The following RAP1B variants were observed in gnomAD, a reference collection of about 807,000 sequenced individuals.
The protein encoded by RAP1B is RAP1B, member of RAS oncogene family, also known as ras-related protein Rap-1b.
RAP1B carries 1 observed loss-of-function variant against 27.5 expected under a neutral mutation model. That is an observed-to-expected ratio of 0.04 (90% confidence interval 0.01 to 0.17). The LOEUF (loss-of-function observed/expected upper bound fraction) is 0.17, where lower values mean the gene tolerates loss of function less well. Among genes scored for constraint, RAP1B ranks in the 10% least tolerant of loss-of-function variants. The probability of loss-of-function intolerance (pLI) is 1.00; values close to 1 mark genes in which losing one functional copy is unlikely to be tolerated. For synonymous variants in RAP1B, 75 were observed against 73.1 expected, an observed-to-expected ratio of 1.03 and a Z score of -0.13; for missense variants, 84 against 214.8, an observed-to-expected ratio of 0.39 and a Z score of 3.81.
chr12:68,635,587 C>G (rs554510895), intron 1 of RAP1B, among the ~76,000 whole-genome samples: 2 of 152,128 alleles, frequency 1.3e-5, no homozygotes, highest in Non-Finnish European at 2.9e-5. Context: ...TCCCTAATAG[C>G]TGGGATTACA....
intron 5 of RAP1B, among the ~76,000 whole-genome samples, chr12:68,655,415 T>C (rs1365825976): frequency 6.6e-6 from 1 of 152,156 alleles, no homozygotes; most frequent in East Asian, 1.9e-4. Context: ...TTTTATTTTC[T>C]GGACTTCTGA....
At chr12:68,635,518 C>T (rs1339866906) in intron 1 of RAP1B, among the ~76,000 whole-genome samples, 20 of 151,938 alleles carry the variant, frequency 1.3e-4, no homozygotes, top group East Asian at 1.9e-4. Context: ...TGCAGTGGTG[C>T]GATCTCGGCT....
At chr12:68,638,929 G>A (rs1308732929) in intron 1 of RAP1B, among the ~76,000 whole-genome samples, 2 of 152,108 alleles carry the variant, frequency 1.3e-5, no homozygotes, top group Admixed American at 6.5e-5. Context: ...GCAAAGTGCT[G>A]GGATTACAGA....
chr12:68,649,014 T>A, intron 2 of RAP1B: 1 of 466,934 alleles, frequency 2.1e-6, no homozygotes, highest in Non-Finnish European at 3.7e-6. Flanking sequence ...CAATTTGAGC[T>A]AAGCACAGAG....
At chr12:68,615,144 CTATT>C (rs1197088614) in intron 1 of RAP1B, among the ~76,000 whole-genome samples, 4 of 152,270 alleles carry the variant, frequency 2.6e-5, no homozygotes, top group East Asian at 3.9e-4. Context: ...TAACATTGGA[CTATT>C]TATTCCTAAT....
At chr12:68,656,731 T>C (rs1470118252) in intron 6 of RAP1B, 3 of 533,370 alleles carry the variant, frequency 5.6e-6, no homozygotes, top group Non-Finnish European at 9.8e-6. Flanking sequence ...ATATGAAGGA[T>C]GTTATATGAA....
At chr12:68,648,606 A>G in intron 1 of RAP1B, 93 bp from the exon 2 acceptor site, 1 of 1,049,780 alleles carries the variant, frequency 9.5e-7, no homozygotes, top group Non-Finnish European at 1.4e-6. Flanking sequence ...ATCATTTTAA[A>G]TAAATCTATT....
chr12:68,631,984 C>T (rs1872268455), intron 1 of RAP1B, among the ~76,000 whole-genome samples: 1 of 152,022 alleles, frequency 6.6e-6, no homozygotes, highest in Middle Eastern at 3.4e-3. Context: ...AAACCTGGAC[C>T]GTTGGTCACT....
intron 1 of RAP1B, among the ~76,000 whole-genome samples, chr12:68,611,469 G>T (rs1759518974): frequency 6.6e-6 from 1 of 151,738 alleles, no homozygotes; most frequent in Non-Finnish European, 1.5e-5. Context: ...TGTCGCCTGG[G>T]TTCCCTCCGT....
At chr12:68,651,244 G>A (rs1873794227) in intron 3 of RAP1B, among the ~76,000 whole-genome samples, 1 of 152,196 alleles carries the variant, frequency 6.6e-6, no homozygotes, top group Admixed American at 6.5e-5. Context: ...CTAACAGCAT[G>A]TGACAATAAA....
chr12:68,623,790 A>G (rs1192016173), intron 1 of RAP1B, among the ~76,000 whole-genome samples: 1 of 152,248 alleles, frequency 6.6e-6, no homozygotes, highest in East Asian at 1.9e-4. Flanking sequence ...TGGAAGGCCA[A>G]GGTGGGTGGA....
chr12:68,633,159 A>G (rs1872387171), intron 1 of RAP1B, among the ~76,000 whole-genome samples: 1 of 152,174 alleles, frequency 6.6e-6, no homozygotes, highest in African/African-American at 2.4e-5. Flanking sequence ...TCTTACATCT[A>G]AAACCTTAAA....
intron 6 of RAP1B, 55 bp from the exon 7 acceptor site, chr12:68,657,046 A>T: frequency 7.1e-7 from 1 of 1,401,192 alleles, no homozygotes; most frequent in Non-Finnish European, 1.0e-6. Context: ...TACTTTTTTC[A>T]TTGGGGGGGA....
chr12:68,651,718 T>C, intron 3 of RAP1B: 2 of 366,480 alleles, frequency 5.5e-6, no homozygotes, highest in South Asian at 5.9e-5. Flanking sequence ...TTCTCTAGAA[T>C]TAAGTGCTGA....
intron 1 of RAP1B, among the ~76,000 whole-genome samples, chr12:68,625,112 G>A (rs1871658592): frequency 6.6e-6 from 1 of 152,160 alleles, no homozygotes; most frequent in Admixed American, 6.5e-5. Flanking sequence ...GCCATGATAG[G>A]CATTTTTTGG....
rs1200044788 is a variant in RAP1B, at chr12:68,670,430, A to ATAC, written c.*11181_*11182insTAC. The ATAC allele has an allele frequency of 1.3e-5, 2 of 152,226 alleles. No homozygotes were observed. The highest frequency in any genetic ancestry group is 3.8e-4 in the East Asian group (2 of 5,200). The allele number at this position is 152,226 out of a possible 1,614,324, so 9.4% of individuals were successfully genotyped here. A position where few individuals can be genotyped will look rare whatever the true frequency, so the allele number is the denominator to read the frequency against. On this transcript the variant is annotated 3_prime_UTR_variant, in exon 8 of 8. Transcript: ENST00000250559. The stretch of plus-strand genomic sequence containing the variant: ...TCTAAGAGACTAGAAATCTAGAGAT[A>ATAC]GGGTAGACCTTCTTAGCTAATTTTT...
intron 1 of RAP1B, chr12:68,648,203 C>T (rs949093776): frequency 6.5e-6 from 1 of 153,770 alleles, no homozygotes; most frequent in Non-Finnish European, 1.4e-5. Context: ...TTCTTCAGTT[C>T]TGCCTCTGAT....
chr12:68,629,781 A>G (rs749423853), intron 1 of RAP1B, among the ~76,000 whole-genome samples: 1 of 152,218 alleles, frequency 6.6e-6, no homozygotes, highest in South Asian at 2.1e-4. Context: ...ATAGCTATCT[A>G]TGCCAGAAAT....
intron 7 of RAP1B, chr12:68,657,552 G>C (rs1019845988): frequency 1.8e-5 from 3 of 164,452 alleles, no homozygotes; most frequent in East Asian, 1.8e-4. Flanking sequence ...TTACAGGCAC[G>C]TGCCACCACG....
Sources: allele counts gnomAD v4.1 joint callset (sites outside exome capture counted in the v4.1 genomes callset), GRCh38; gene constraint gnomAD v4.1.1; transcripts MANE v1.5; gene names NCBI Gene and HGNC (gene_info 2026-07-23, HGNC 2026-07-21).